Variants in UPF1 observed in about 807,000 individuals in gnomAD.
The protein encoded by UPF1 is regulator of nonsense transcripts 1.
UPF1 carries 9 observed loss-of-function variants against 129.2 expected under a neutral mutation model. That is an observed-to-expected ratio of 0.07 (90% CI 0.04 to 0.12). The LOEUF is 0.12. Ranked by LOEUF, UPF1 falls within the 10% of genes least tolerant of loss-of-function variation. The pLI is 1.00. For missense variants in UPF1, 788 were observed against 1,525.3 expected (o/e 0.52, Z 8.05); for synonymous variants, 649 against 644.9 (o/e 1.01, Z -0.10).
rs557742771 is a variant in UPF1 at position 18,857,865 on chromosome 19, C to A, written c.2182+332C>A. On this transcript the variant is annotated intron_variant, in intron 15 of 23. Transcript: ENST00000262803. The stretch of plus-strand genomic sequence containing the variant: ...AACGTGGGCTGTGCATTCAGTGCTT[C>A]ATGAAGAACAGCTGTTCTCAGGGCC... Among the ~76,000 whole-genome samples, 4 of 152,366 alleles carry A rather than the reference C, an allele frequency of 2.6e-5. No homozygotes were observed. The South Asian group carries it at 8.3e-4, about 32-fold the overall frequency.
chr19:18,860,226 A>G lies in UPF1; in HGVS notation c.2183-95A>G, dbSNP rs572570644. 4.7e-6 allele frequency: 6 copies of G among 1,286,216 alleles called. No individual in the cohort carries two copies. The African/African-American group carries it at 8.7e-5, about 19-fold the overall frequency. The allele number at this position is 1,286,216 out of a possible 1,614,324, so 79.7% of individuals were successfully genotyped here. On this transcript the variant is annotated intron_variant, in intron 15 of 23. Coordinates refer to ENST00000262803, the MANE Select transcript of UPF1 (RefSeq NM_002911.4). ...CGAAGTCTCCTGCCCCAGGACCTGC[A>G]GCACTGTAGCGTAGCAACTACATTG...
At chr19:18,859,511 C>G (rs1221831117) in intron 15 of UPF1, 1 of 152,246 alleles carries the variant, frequency 6.6e-6, no homozygotes, top group Non-Finnish European at 1.5e-5. Flanking sequence ...TGAGGGACTT[C>G]TGAGCTCATC....
intron 20 of UPF1, 44 bp downstream of exon 20, chr19:18,864,295 A>G (rs778352136): frequency 6.5e-7 from 1 of 1,547,354 alleles, no homozygotes; most frequent in South Asian, 1.1e-5. Flanking sequence ...TTGTCCTCAC[A>G]CCGGGATGCT....
At chr19:18,840,761 AC>A (rs2055532585) in intron 1 of UPF1, among the ~76,000 whole-genome samples, 2 of 152,154 alleles carry the variant, frequency 1.3e-5, no homozygotes, top group African/African-American at 4.8e-5. Context: ...TTTCTCTGAT[AC>A]ATGGAGGGCT....
Position 18,855,370 on chromosome 19 carries a change from G to A in UPF1, c.1544+128G>A, listed in dbSNP as rs2055705520. ...AGCACGTGGCGGGTAGTGTCGCCATGGTGCCTACCGCTCTCTATGTGACAT... is the reference window on the plus strand; with the variant it reads ...AGCACGTGGCGGGTAGTGTCGCCATAGTGCCTACCGCTCTCTATGTGACAT... On this transcript the variant is annotated intron_variant, in intron 11 of 23. Transcript: ENST00000262803. 6.2e-6 allele frequency: 6 copies of A among 962,178 alleles called. No individual in the cohort carries two copies. The Admixed American group carries it at 1.3e-4, about 21-fold the overall frequency. 59.6% of individuals were successfully genotyped at this position (962,178 alleles called of 1,614,324 possible).
chr19:18,839,180 CTCCCGGGT>C (rs1283789457), intron 1 of UPF1, among the ~76,000 whole-genome samples: 1 of 152,150 alleles, frequency 6.6e-6, no homozygotes, highest in Non-Finnish European at 1.5e-5. Context: ...CAACCTCTGC[CTCCCGGGT>C]TTAAGTGATT....
intron 6 of UPF1, among the ~76,000 whole-genome samples, chr19:18,852,683 G>GTCCCTCCCTCCCCTCCTCTCTCTCTTCC: frequency 1.0e-5 from 1 of 100,392 alleles, no homozygotes; most frequent in South Asian, 3.0e-4. Flanking sequence ...TCCTCTTTCT[G>GTCCCTCCCTCCCCTCCTCTCTCTCTTCC]TCCCTCCCTC....
intron 1 of UPF1, among the ~76,000 whole-genome samples, chr19:18,839,251 C>A (rs57870078): frequency 6.6e-6 from 1 of 151,976 alleles, no homozygotes; most frequent in Non-Finnish European, 1.5e-5. Flanking sequence ...ACCACCATGC[C>A]CAACTAATTT....
Position 18,850,673 on chromosome 19 carries a change from C to T in UPF1, c.630-15C>T, listed in dbSNP as rs1171342875. On this transcript the variant is annotated splice_polypyrimidine_tract_variant and intron_variant, in intron 4 of 23. Transcript: ENST00000262803. The surrounding 1 kb of genome is among the most constrained non-coding windows in gnomAD (Gnocchi z 7.1). ...GGACGGGAGCTGGTCCTCACGGCCC[C>T]CTCCCGCTCTGCAGGCAGCCCTGTG... is the stretch of plus-strand genomic sequence containing the variant. The T allele has an allele frequency of 1.3e-6, 2 of 1,554,060 alleles. No homozygotes were observed. The highest frequency in any genetic ancestry group is 2.3e-5 in the East Asian group (1 of 43,456).
At position 18,860,186 on chromosome 19, in the gene UPF1, C is replaced by T. The variant is rs1358428468; in HGVS notation, c.2183-135C>T. 7 of 927,028 alleles carry T rather than the reference C, an allele frequency of 7.6e-6. No homozygotes were observed. The Admixed American group carries it at 1.0e-4, about 13-fold the overall frequency. The allele number at this position is 927,028 out of a possible 1,614,324, so 57.4% of individuals were successfully genotyped here. A position where few individuals can be genotyped will look rare whatever the true frequency, so the allele number is the denominator to read the frequency against. Reference sequence around the variant, plus strand: ...AGGGGACCGGCTCAGGTGACCTCACCAGGGCCTCACAGATCGAAGTCTCCT... The same window carrying T: ...AGGGGACCGGCTCAGGTGACCTCACTAGGGCCTCACAGATCGAAGTCTCCT... On this transcript the variant is annotated intron_variant, in intron 15 of 23. Coordinates refer to ENST00000262803, the MANE Select transcript of UPF1 (RefSeq NM_002911.4).
rs767524418 is a variant in UPF1 at position 18,850,954 on chromosome 19, G to A, written c.810+86G>A. 169 of 1,411,792 alleles carry A rather than the reference G, an allele frequency of 1.2e-4. No homozygotes were observed. The highest frequency in any genetic ancestry group is 1.5e-4 in the Non-Finnish European group (160 of 1,072,492). The allele number at this position is 1,411,792 out of a possible 1,614,324, so 87.5% of individuals were successfully genotyped here. On this transcript the variant is annotated intron_variant, in intron 5 of 23. Transcript: ENST00000262803. The surrounding 1 kb of genome is among the most constrained non-coding windows in gnomAD (Gnocchi z 7.1). Reference sequence around the variant, plus strand: ...GTGTCTTCAGAGACGGCTTGACCCAGTGAGACCGCTGGAGATTCTCTGAAA... The same window carrying A: ...GTGTCTTCAGAGACGGCTTGACCCAATGAGACCGCTGGAGATTCTCTGAAA...
Position 18,852,245 on chromosome 19 carries a change from G to A in UPF1, c.921G>A (p.Gly307=), listed in dbSNP as rs773360214. ...EDAYQYQNIF[G]PLVKLEADYD... is the part of the protein sequence containing the mutation. ...CCTACCAGTACCAGAACATATTCGGGCCCCTGGTCAAGCTGGAGGCCGACT... is the reference window on the plus strand; with the variant it reads ...CCTACCAGTACCAGAACATATTCGGACCCCTGGTCAAGCTGGAGGCCGACT... The change falls in exon 6 of 24, where the codon GGG becomes GGA. Residue 307 remains glycine, a synonymous_variant. Coordinates refer to ENST00000262803, the MANE Select transcript of UPF1 (RefSeq NM_002911.4). The A allele has an allele frequency of 1.2e-6, 2 of 1,613,634 alleles. No individual in the cohort carries two copies. The highest frequency in any genetic ancestry group is 1.7e-6 in the Non-Finnish European group (2 of 1,179,814).
Position 18,865,945 on chromosome 19 carries a change from G to C in UPF1, c.3238-99G>C. 1 of 1,593,108 alleles carries C rather than the reference G, an allele frequency of 6.3e-7. No homozygotes were observed. The highest frequency in any genetic ancestry group is 1.1e-5 in the South Asian group (1 of 88,594). ...GTGGGTCTCCTGGGTCTTAGTTTGGGGACGGGTTTTCCATTCTTTTCTCTG... is the reference window on the plus strand; with the variant it reads ...GTGGGTCTCCTGGGTCTTAGTTTGGCGACGGGTTTTCCATTCTTTTCTCTG... On this transcript the variant is annotated intron_variant, in intron 22 of 23. Transcript: ENST00000262803. This position sits in a 1 kb window ranked among gnomAD's most constrained non-coding sequence, Gnocchi z 6.1.
chr19:18,837,609 C>G (rs1435782453), intron 1 of UPF1, among the ~76,000 whole-genome samples: 1 of 152,218 alleles, frequency 6.6e-6, no homozygotes, highest in South Asian at 2.1e-4. Context: ...CTTTTCTTAG[C>G]TCACCTGAAA....
chr19:18,840,654 G>A (rs960410745), intron 1 of UPF1, among the ~76,000 whole-genome samples: 1 of 152,186 alleles, frequency 6.6e-6, no homozygotes, highest in Non-Finnish European at 1.5e-5. Flanking sequence ...GGAGGAGTGG[G>A]TCCGGGCCCT....
At position 18,832,628 on chromosome 19, in the gene UPF1, C is replaced by G. The variant is rs2145925962; in HGVS notation, c.231+188C>G. Among the ~76,000 whole-genome samples the G allele has an allele frequency of 6.6e-6, 1 of 152,122 alleles. No homozygotes were observed. The highest frequency in any genetic ancestry group is 6.5e-5 in the Admixed American group (1 of 15,286). On this transcript the variant is annotated intron_variant, in intron 1 of 23. Coordinates refer to ENST00000262803, the MANE Select transcript of UPF1 (RefSeq NM_002911.4). This position sits in a 1 kb window ranked among gnomAD's most constrained non-coding sequence, Gnocchi z 5.6. ...TACCTGCCCCAGGTCCTGCAATCTG[C>G]CCGGGCCTGGCCTGATCTGCCCCGG...
rs73923173 is a variant in UPF1, at chr19:18,866,275, C to G, written c.*3+109C>G. On this transcript the variant is annotated intron_variant, in intron 23 of 23. Transcript: ENST00000262803. ...GAGGGGTGGTATCTGGAAATGTGTG[C>G]TGTGCCTGGTGGGGGTCATAGGCCC... 0.034 allele frequency: 48,626 copies of G among 1,420,136 alleles called. 986 individuals are homozygous for G. The highest frequency in any genetic ancestry group is 0.08 in the East Asian group (3,102 of 38,984). 88.0% of individuals were successfully genotyped at this position (1,420,136 alleles called of 1,614,324 possible).
In UPF1 at chr19:18,851,125, C is replaced by A. The variant is rs2055654112; in HGVS notation, c.810+257C>A. On this transcript the variant is annotated intron_variant, in intron 5 of 23. Coordinates refer to ENST00000262803, the MANE Select transcript of UPF1 (RefSeq NM_002911.4). The surrounding 1 kb of genome is among the most constrained non-coding windows in gnomAD (Gnocchi z 4.2). ...GGCTGCTGGAATTTTTCTTGTCTTG[C>A]CGGGGTGAGGATGGGTGGTGGGAGG... 2 of 376,258 alleles carry A rather than the reference C, an allele frequency of 5.3e-6. No individual in the cohort carries two copies. The highest frequency in any genetic ancestry group is 9.6e-5 in the East Asian group (2 of 20,798). 23.3% of individuals were successfully genotyped at this position (376,258 alleles called of 1,614,324 possible).
intron 11 of UPF1, 68 bp downstream of exon 11, chr19:18,855,310 G>A: frequency 1.9e-6 from 3 of 1,545,216 alleles, no homozygotes; most frequent in Non-Finnish European, 2.6e-6. Context: ...GGAAGGCCTG[G>A]TGCTGGGAGC....
Sources: gnomAD v4.1 joint callset for allele counts (sites outside exome capture counted in the v4.1 genomes callset) on GRCh38, gnomAD v4.1.1 for gene constraint, Gnocchi (gnomAD v3.1) non-coding constraint, MANE v1.5 for transcripts, NCBI Gene and HGNC (gene_info 2026-07-23, HGNC 2026-07-21) for gene names.